Variants in ENTREP2 observed in about 807,000 individuals in gnomAD.
The protein encoded by ENTREP2 is protein ENTREP2.
At chr15:29,258,272 A>G in the ENTREP2 span, among the ~76,000 whole-genome samples, 1 of 151,916 alleles carries the variant, frequency 6.6e-6, no homozygotes, top group Non-Finnish European at 1.5e-5. Flanking sequence ...TAAATTTTTC[A>G]TATTAGAAGT....
At chr15:29,220,441 C>G in the ENTREP2 span, among the ~76,000 whole-genome samples, 1 of 152,132 alleles carries the variant, frequency 6.6e-6, no homozygotes, top group Non-Finnish European at 1.5e-5. Flanking sequence ...TATGACCGAT[C>G]AGTATTTGTG....
chr15:29,136,962 G>A, the ENTREP2 span: 2 of 1,278,930 alleles, frequency 1.6e-6, no homozygotes, highest in Non-Finnish European at 2.0e-6. Context: ...CAGGACCACT[G>A]CAACTCCCAC....
At chr15:29,438,501 G>C in the ENTREP2 span, among the ~76,000 whole-genome samples, 1 of 152,114 alleles carries the variant, frequency 6.6e-6, no homozygotes, top group Non-Finnish European at 1.5e-5. Flanking sequence ...TGTCAGTGCT[G>C]AAATAGAGTG....
At chr15:29,553,319 C>T in the ENTREP2 span, among the ~76,000 whole-genome samples, 1 of 152,056 alleles carries the variant, frequency 6.6e-6, no homozygotes, top group African/African-American at 2.4e-5. Flanking sequence ...AACAAAAAAA[C>T]CTGTAAAGTT....
the ENTREP2 span, among the ~76,000 whole-genome samples, chr15:29,215,243 C>T: frequency 4.6e-5 from 7 of 152,184 alleles, no homozygotes; most frequent in Admixed American, 2.0e-4. Context: ...AGTATTGATC[C>T]TGAGTGTGTC....
At chr15:29,424,240 A>G in the ENTREP2 span, among the ~76,000 whole-genome samples, 53 of 152,100 alleles carry the variant, frequency 3.5e-4, no homozygotes, top group Non-Finnish European at 2.1e-4. Context: ...GCACTACCTA[A>G]GTGGACCCCA....
At chr15:29,369,662 C>T in the ENTREP2 span, among the ~76,000 whole-genome samples, 6 of 152,116 alleles carry the variant, frequency 3.9e-5, no homozygotes, top group Non-Finnish European at 7.4e-5. Context: ...GTAAATTAAA[C>T]TCACATAGAC....
the ENTREP2 span, among the ~76,000 whole-genome samples, chr15:29,400,054 T>C: frequency 1.3e-5 from 2 of 152,208 alleles, no homozygotes; most frequent in African/African-American, 2.4e-5. Flanking sequence ...GTGCCCTGAA[T>C]ATATGCCAGA....
chr15:29,556,867 A>G, the ENTREP2 span, among the ~76,000 whole-genome samples: 3 of 149,692 alleles, frequency 2.0e-5, no homozygotes, highest in Non-Finnish European at 4.4e-5. Flanking sequence ...TGACTGGGGC[A>G]CAATGTGACT....
At chr15:29,322,626 T>A in the ENTREP2 span, among the ~76,000 whole-genome samples, 1 of 152,238 alleles carries the variant, frequency 6.6e-6, no homozygotes, top group African/African-American at 2.4e-5. Flanking sequence ...AGAGGCCAGC[T>A]GTCTCCACGA....
the ENTREP2 span, among the ~76,000 whole-genome samples, chr15:29,306,664 ATTTTTTTTTTTTTTTTTTTTT>A: frequency 2.6e-3 from 204 of 77,338 alleles, 1 homozygote; most frequent in East Asian, 0.011. Flanking sequence ...ATAATTGGTA[ATTTTTTTTTTTTTTTTTTTTT>A]TTTTTTTTTT....
chr15:29,323,633 A>G, the ENTREP2 span, among the ~76,000 whole-genome samples: 1 of 152,118 alleles, frequency 6.6e-6, no homozygotes, highest in Non-Finnish European at 1.5e-5. Flanking sequence ...GCCTGGACTT[A>G]GGACTAGTGT....
the ENTREP2 span, among the ~76,000 whole-genome samples, chr15:29,326,938 T>C: frequency 6.6e-6 from 1 of 152,088 alleles, no homozygotes; most frequent in Admixed American, 6.5e-5. Flanking sequence ...CTTTGAAATA[T>C]CAACAAAGTC....
the ENTREP2 span, among the ~76,000 whole-genome samples, chr15:29,134,927 G>A: frequency 5.3e-5 from 8 of 152,126 alleles, no homozygotes; most frequent in Admixed American, 5.2e-4. Flanking sequence ...CGAGCAGCTG[G>A]CCAGGCCTGA....
At chr15:29,624,863 GCATT>G in the ENTREP2 span, among the ~76,000 whole-genome samples, 2 of 144,020 alleles carry the variant, frequency 1.4e-5, no homozygotes, top group Non-Finnish European at 3.0e-5. Flanking sequence ...TTTTTACCCT[GCATT>G]AATTTGTGTG....
chr15:29,341,207 T>C, the ENTREP2 span, among the ~76,000 whole-genome samples: 1 of 152,260 alleles, frequency 6.6e-6, no homozygotes, highest in Admixed American at 6.5e-5. Flanking sequence ...AACTAAAATC[T>C]AGAATTCCTA....
At chr15:29,605,755 T>G in the ENTREP2 span, among the ~76,000 whole-genome samples, 1 of 152,034 alleles carries the variant, frequency 6.6e-6, no homozygotes, top group South Asian at 2.1e-4. Context: ...GAGAATTGCT[T>G]GAACCTGGGA....
At chr15:29,142,163 G>A in the ENTREP2 span, among the ~76,000 whole-genome samples, 5 of 152,180 alleles carry the variant, frequency 3.3e-5, no homozygotes, top group Non-Finnish European at 2.9e-5. Context: ...TCCCCTGGCT[G>A]GCTCCACTTT....
the ENTREP2 span, among the ~76,000 whole-genome samples, chr15:29,188,710 C>T: frequency 2.6e-5 from 4 of 152,200 alleles, no homozygotes; most frequent in South Asian, 6.2e-4. Flanking sequence ...TCTAATGAAG[C>T]GACTCTTGAT....
Sources: gnomAD v4.1 joint callset for allele counts (sites outside exome capture counted in the v4.1 genomes callset) on GRCh38, gnomAD v4.1.1 for gene constraint, MANE v1.5 for transcripts, NCBI Gene and HGNC (gene_info 2026-07-23, HGNC 2026-07-21) for gene names.